Variants in EPB41L3 observed in about 807,000 individuals in gnomAD.
EPB41L3 encodes erythrocyte membrane protein band 4.1 like 3.
A neutral mutation model predicts 127.1 loss-of-function variants in EPB41L3; 57 were observed. The ratio of observed to expected loss-of-function variants is 0.45; its 90% CI spans 0.36 to 0.56. The LOEUF is 0.56. EPB41L3 is among the 20% of genes least tolerant of loss of function. EPB41L3 has a pLI of 0.00. For missense variants in EPB41L3, 1,273 were observed against 1,372.2 expected (o/e 0.93, Z 1.14); for synonymous variants, 572 against 549.5 (o/e 1.04, Z -0.57).
chr18:5,577,488 A>G, intron 3 of EPB41L3: 1 of 338,818 alleles, frequency 3.0e-6, no homozygotes, highest in South Asian at 2.3e-5. Context: ...GAAAGGTAAA[A>G]GCAATTGCTT....
chr18:5,545,705 A>G (rs1443730883), upstream of EPB41L3, among the ~76,000 whole-genome samples: 2 of 152,216 alleles, frequency 1.3e-5, no homozygotes, highest in African/African-American at 4.8e-5. Context: ...CTATGGTATT[A>G]AGACAGTTAC....
At chr18:5,458,012 C>T (rs574307589) in intron 3 of EPB41L3, among the ~76,000 whole-genome samples, 1 of 152,122 alleles carries the variant, frequency 6.6e-6, no homozygotes, top group Admixed American at 6.5e-5. Context: ...CTTACAGTGC[C>T]GGGCATCGAG....
intron 1 of EPB41L3, among the ~76,000 whole-genome samples, chr18:5,508,662 G>C (rs1259427356): frequency 2.0e-5 from 3 of 151,160 alleles, no homozygotes; most frequent in Non-Finnish European, 4.4e-5. Flanking sequence ...AGCTACTCAG[G>C]AGGCTGAGGC....
At chr18:5,490,268 A>G (rs1248133518) in intron 1 of EPB41L3, among the ~76,000 whole-genome samples, 1 of 152,240 alleles carries the variant, frequency 6.6e-6, no homozygotes, top group African/African-American at 2.4e-5. Flanking sequence ...TTATTGTCAT[A>G]CAATTTCCCT....
intron 3 of EPB41L3, among the ~76,000 whole-genome samples, chr18:5,455,070 T>C (rs997226682): frequency 5.9e-5 from 9 of 152,204 alleles, no homozygotes; most frequent in African/African-American, 1.9e-4. Flanking sequence ...CTGGTACTTA[T>C]GCAAAGGATT....
intron 3 of EPB41L3, among the ~76,000 whole-genome samples, chr18:5,582,557 T>C (rs2094403224): frequency 6.6e-6 from 1 of 152,234 alleles, no homozygotes; most frequent in African/African-American, 2.4e-5. Flanking sequence ...CTAAAACTAA[T>C]GTTTTCTAAA....
At chr18:5,450,099 ACATAT>A (rs1387197336) in intron 3 of EPB41L3, among the ~76,000 whole-genome samples, 1 of 152,108 alleles carries the variant, frequency 6.6e-6, no homozygotes, top group Non-Finnish European at 1.5e-5. Context: ...GGACTACTGT[ACATAT>A]CATCCTGGAA....
chr18:5,529,418 C>T (rs1463882493), intron 1 of EPB41L3, among the ~76,000 whole-genome samples: 1 of 152,058 alleles, frequency 6.6e-6, no homozygotes, highest in Non-Finnish European at 1.5e-5. Flanking sequence ...CTGTGCGCAC[C>T]GCCCTCCTCT....
Position 5,434,112 on chromosome 18 carries a change from G to A in EPB41L3, c.615C>T (p.Leu205=). The change falls in exon 7 of 23, where the codon CTC becomes CTT. Residue 205 remains leucine, a synonymous_variant. Coordinates refer to ENST00000341928, the MANE Select transcript of EPB41L3 (RefSeq NM_012307.5). ...CGATGTCATCTCGCAACTGCAAGCA[G>A]AGGTAGTACCTTCCAGGAACCAAAA... ...QLSEDITRYY[L]CLQLRDDIVS... is the part of the protein sequence containing the mutation. The A allele has an allele frequency of 3.7e-6, 6 of 1,614,054 alleles. No individual in the cohort carries two copies. Among genetic ancestry groups the A allele is most frequent in the Non-Finnish European group, 5.1e-6 (6 of 1,179,972 alleles).
chr18:5,546,975 T>G (rs1273487513), upstream of EPB41L3, among the ~76,000 whole-genome samples: 1 of 152,182 alleles, frequency 6.6e-6, no homozygotes, highest in Admixed American at 6.5e-5. Flanking sequence ...GGCTTCCTCA[T>G]GTATAAAAGG....
intron 1 of EPB41L3, among the ~76,000 whole-genome samples, chr18:5,494,463 G>A (rs1306320816): frequency 6.6e-6 from 1 of 152,144 alleles, no homozygotes; most frequent in African/African-American, 2.4e-5. Flanking sequence ...TTCAAGACCA[G>A]CCTGGCCAAC....
At chr18:5,617,320 ATTTT>A (rs5822868) in intron 1 of EPB41L3, among the ~76,000 whole-genome samples, 4 of 125,556 alleles carry the variant, frequency 3.2e-5, no homozygotes, top group African/African-American at 9.1e-5. Flanking sequence ...TATTATTATT[ATTTT>A]TTTTTTTTTT....
At chr18:5,482,910 G>T (rs553504664) in intron 2 of EPB41L3, among the ~76,000 whole-genome samples, 215 of 152,178 alleles carry the variant, frequency 1.4e-3, no homozygotes, top group African/African-American at 5.0e-3. Flanking sequence ...AAATAAAAAT[G>T]AACCTTTCAA....
intron 1 of EPB41L3, among the ~76,000 whole-genome samples, chr18:5,535,005 G>T (rs566994035): frequency 6.6e-6 from 1 of 152,042 alleles, no homozygotes; most frequent in South Asian, 2.1e-4. Flanking sequence ...GGTGGTGAGC[G>T]GTGGGTGAGT....
intron 3 of EPB41L3, among the ~76,000 whole-genome samples, chr18:5,552,149 G>A (rs563722033): frequency 3.3e-5 from 5 of 152,320 alleles, no homozygotes; most frequent in South Asian, 2.1e-4. Flanking sequence ...CATTCTCTAC[G>A]AAGTGAGTCA....
intron 1 of EPB41L3, among the ~76,000 whole-genome samples, chr18:5,507,679 A>T (rs2092295142): frequency 6.6e-6 from 1 of 152,202 alleles, no homozygotes; most frequent in South Asian, 2.1e-4. Flanking sequence ...TCTTTTTTAA[A>T]CCAGTAGAGC....
rs201664534 is a variant in EPB41L3 at position 5,419,968 on chromosome 18, ATAGT to A, written c.1340-95_1340-92del. On this transcript the variant is annotated intron_variant, in intron 11 of 22. Transcript: ENST00000341928. ...TACAATTAAAGAAATAAAATCCAAA[ATAGT>A]TAGGTCAGAAGACACATGAACAATA... The A allele has an allele frequency of 1.2e-3, 1,889 of 1,604,516 alleles. 19 individuals are homozygous for A. In the African/African-American group the frequency reaches 0.019, roughly 16 times the overall value.
In EPB41L3 at chr18:5,499,144, C is replaced by T. The variant is rs77379719; in HGVS notation, c.-11-9950G>A. Among the ~76,000 whole-genome samples the T allele has an allele frequency of 5.3e-3, 813 of 152,300 alleles. 4 individuals carry two copies. Among genetic ancestry groups the T allele is most frequent in the African/African-American group, 0.017 (700 of 41,562 alleles). ...GGGGATGTTAGTTAGTCACCTCCCT[C>T]CTGCTCTCTACATGCTCAGCTCACC... On this transcript the variant is annotated intron_variant, in intron 1 of 22. Transcript: ENST00000341928.
At chr18:5,445,478 G>A (rs2081341286) in intron 3 of EPB41L3, among the ~76,000 whole-genome samples, 1 of 152,180 alleles carries the variant, frequency 6.6e-6, no homozygotes, top group Non-Finnish European at 1.5e-5. Context: ...CAAAAGCAAA[G>A]TATCAACAGC....
Sources: allele counts gnomAD v4.1 joint callset (sites outside exome capture counted in the v4.1 genomes callset), GRCh38; gene constraint gnomAD v4.1.1; transcripts MANE v1.5; gene names NCBI Gene and HGNC (gene_info 2026-07-23, HGNC 2026-07-21).